The following WDR20 variants were observed in gnomAD, a reference collection of about 807,000 sequenced individuals.
WDR20 encodes the protein WD repeat domain 20, also known as WD repeat-containing protein 20.
In WDR20, 3 loss-of-function variants were observed where a neutral mutation model predicts 38.7. The observed-to-expected ratio is 0.08, with a 90% CI of 0.04 to 0.20. The LOEUF (loss-of-function observed/expected upper bound fraction) is 0.20. Among genes scored for constraint, WDR20 ranks in the 10% least tolerant of loss-of-function variants. The pLI is 1.00. For synonymous variants in WDR20, 298 were observed against 285.6 expected (o/e 1.04, Z -0.44); for missense variants, 559 against 727.7 (o/e 0.77, Z 2.67).
At chr14:102,155,039 A>C (rs924185653) in intron 1 of WDR20, among the ~76,000 whole-genome samples, 1 of 152,216 alleles carries the variant, frequency 6.6e-6, no homozygotes, top group Non-Finnish European at 1.5e-5. Context: ...AGTTTAAAAT[A>C]GACCAACTCA....
At chr14:102,149,992 C>T (rs181672843) in intron 1 of WDR20, among the ~76,000 whole-genome samples, 6 of 152,250 alleles carry the variant, frequency 3.9e-5, no homozygotes, top group Non-Finnish European at 5.9e-5. Flanking sequence ...CGCACCCAGA[C>T]GTCGATTCTA....
At chr14:102,182,460 A>C (rs2063577454) in intron 1 of WDR20, among the ~76,000 whole-genome samples, 1 of 152,154 alleles carries the variant, frequency 6.6e-6, no homozygotes, top group South Asian at 2.1e-4. Context: ...CTGTGGTCTT[A>C]ATTGGTGTGA....
At chr14:102,171,932 T>C (rs529985729) in intron 1 of WDR20, among the ~76,000 whole-genome samples, 3 of 151,544 alleles carry the variant, frequency 2.0e-5, no homozygotes, top group African/African-American at 7.2e-5. Flanking sequence ...TTTTTATTTT[T>C]ATTGATCATT....
intron 1 of WDR20, among the ~76,000 whole-genome samples, chr14:102,152,101 A>G (rs2056098490): frequency 6.6e-6 from 1 of 151,596 alleles, no homozygotes; most frequent in African/African-American, 2.4e-5. Context: ...TTTTTTATAG[A>G]GACAGGGTTT....
chr14:102,163,652 T>TAAAAAA (rs2059215446), intron 1 of WDR20, among the ~76,000 whole-genome samples: 1 of 62,128 alleles, frequency 1.6e-5, no homozygotes. Flanking sequence ...AAAAAAAAAT[T>TAAAAAA]AGTCTGTGGT....
intron 2 of WDR20, among the ~76,000 whole-genome samples, chr14:102,200,467 T>TTTTTTGTGTGTGTGTG (rs748066838): frequency 5.1e-5 from 6 of 117,770 alleles, no homozygotes; most frequent in African/African-American, 1.9e-4. Flanking sequence ...ATTTTTTTTT[T>TTTTTTGTGTGTGTGTG]TGTGTGTGTG....
rs1030157151 is a variant in WDR20 at position 102,220,649 on chromosome 14, G to C, written c.1693-2181G>C. Reference sequence around the variant, plus strand: ...GCAGGAGAATCACTTGAACCCAGGAGGTGGAGCTTGCAGTGAGCCAAGATC... The same window carrying C: ...GCAGGAGAATCACTTGAACCCAGGACGTGGAGCTTGCAGTGAGCCAAGATC... On this transcript the variant is annotated intron_variant, in intron 3 of 3. Transcript: ENST00000335263. The surrounding 1 kb of genome is among the most constrained non-coding windows in gnomAD (Gnocchi z 4.2). Among the ~76,000 whole-genome samples, 2 of 150,254 alleles carry C rather than the reference G, an allele frequency of 1.3e-5. No individual in the cohort carries two copies. Among genetic ancestry groups the C allele is most frequent in the Non-Finnish European group, 2.9e-5 (2 of 67,846 alleles).
At chr14:102,186,631 A>G (rs2064826017) in intron 1 of WDR20, among the ~76,000 whole-genome samples, 1 of 152,032 alleles carries the variant, frequency 6.6e-6, no homozygotes, top group Non-Finnish European at 1.5e-5. Flanking sequence ...AACAGGCACT[A>G]GCAGCCCCAA....
At chr14:102,180,660 T>G (rs1174276436) in intron 1 of WDR20, among the ~76,000 whole-genome samples, 1 of 152,220 alleles carries the variant, frequency 6.6e-6, no homozygotes, top group East Asian at 1.9e-4. Flanking sequence ...TAAAGACAAA[T>G]CTAGTTGTAG....
intron 1 of WDR20, among the ~76,000 whole-genome samples, chr14:102,176,265 T>G (rs992202008): frequency 4.6e-5 from 7 of 151,602 alleles, no homozygotes; most frequent in Non-Finnish European, 7.4e-5. Flanking sequence ...CGTGGTGGCA[T>G]GCACCTGTAG....
chr14:102,214,871 T>C (rs2063021093), downstream of WDR20: 3 of 984,564 alleles, frequency 3.0e-6, no homozygotes, highest in Non-Finnish European at 3.6e-6. Context: ...GTTTCACTGC[T>C]TTGTTTTTTT....
chr14:102,186,533 C>T (rs892010256), intron 1 of WDR20, among the ~76,000 whole-genome samples: 1 of 151,872 alleles, frequency 6.6e-6, no homozygotes, highest in African/African-American at 2.4e-5. Flanking sequence ...TCAGTGCCTC[C>T]CCCCACAACA....
chr14:102,200,825 G>A (rs192083649), intron 2 of WDR20, among the ~76,000 whole-genome samples: 10 of 152,278 alleles, frequency 6.6e-5, no homozygotes, highest in Non-Finnish European at 1.0e-4. Flanking sequence ...TAGGTCCCAC[G>A]TCTCCTTGTG....
At chr14:102,198,925 T>C (rs2059854125) in intron 2 of WDR20, among the ~76,000 whole-genome samples, 1 of 152,128 alleles carries the variant, frequency 6.6e-6, no homozygotes, top group Non-Finnish European at 1.5e-5. Flanking sequence ...GATAGTGGGA[T>C]GTATGGATCT....
rs554942821 is a variant in WDR20 at position 102,223,662 on chromosome 14, A to G, written c.*779A>G. ...ATTCACAAAAGTTAATATTAAAACT[A>G]TCTTGAATATACCGCTTGTTTATCT... On this transcript the variant is annotated 3_prime_UTR_variant, in exon 4 of 4. Coordinates refer to the WDR20 transcript ENST00000335263. The G allele has an allele frequency of 1.1e-4, 17 of 152,714 alleles. 1 individual carries two copies. The highest frequency in any genetic ancestry group is 2.9e-4 in the African/African-American group (12 of 41,592). 9.5% of individuals were successfully genotyped at this position (152,714 alleles called of 1,614,324 possible).
At chr14:102,187,531 A>G (rs373995073) in intron 1 of WDR20, among the ~76,000 whole-genome samples, 41 of 151,642 alleles carry the variant, frequency 2.7e-4, no homozygotes, top group African/African-American at 1.0e-3. Context: ...GCAGCAGCCA[A>G]GGGTCTTTGG....
rs1257562283 is a variant in WDR20 at position 102,209,863 on chromosome 14, G to T, written c.1693G>T (p.Val565Leu). 1.2e-6 allele frequency: 2 copies of T among 1,610,680 alleles called. No individual in the cohort carries two copies. The highest frequency in any genetic ancestry group is 1.7e-6 in the Non-Finnish European group (2 of 1,178,182). Residue 565 changes from valine (V) to leucine (L), a missense_variant, in exon 3 of 3, where the codon GTA (valine) becomes TTA (leucine). Val to Leu is a conservative substitution (Grantham distance 32, BLOSUM62 1). Transcript: ENST00000342702. The surrounding 1 kb of genome is among the most constrained non-coding windows in gnomAD (Gnocchi z 6.0). ...CACATGGGGAAGGCCTGGTAAAGTG[G>T]TAAGTTTTAATCCTTAATGCTGCAC... is the stretch of plus-strand genomic sequence containing the variant. ...ICTWGRPGKVVSFNP is the reference protein window; with the variant it reads ...ICTWGRPGKVLSFNP
At chr14:102,204,240 T>A (rs10130705) in intron 2 of WDR20, among the ~76,000 whole-genome samples, 17,630 of 152,132 alleles carry the variant, frequency 0.12, 1,715 homozygotes, top group African/African-American at 0.26. Flanking sequence ...CTTGAAGTTG[T>A]TCTCTGTGGG....
intron 1 of WDR20, among the ~76,000 whole-genome samples, chr14:102,185,819 A>G (rs2064542162): frequency 6.6e-6 from 1 of 151,938 alleles, no homozygotes; most frequent in Admixed American, 6.5e-5. Flanking sequence ...CATCTCAAAA[A>G]AAAAAAAAAA....
Sources: gnomAD v4.1 joint callset for allele counts (sites outside exome capture counted in the v4.1 genomes callset) on GRCh38, gnomAD v4.1.1 for gene constraint, Gnocchi (gnomAD v3.1) non-coding constraint, MANE v1.5 for transcripts, NCBI Gene and HGNC (gene_info 2026-07-23, HGNC 2026-07-21) for gene names.